Variants in ZRANB1 observed in about 807,000 individuals in gnomAD.
The protein encoded by ZRANB1 is ubiquitin thioesterase ZRANB1.
ZRANB1 carries 16 observed loss-of-function variants against 80.5 expected under a neutral mutation model. The observed-to-expected ratio is 0.20, with a 90% CI of 0.13 to 0.30. The LOEUF (loss-of-function observed/expected upper bound fraction) is 0.30, where lower values mean the gene tolerates loss of function less well. ZRANB1 is among the 10% of genes least tolerant of loss of function. The pLI is 1.00. For missense variants in ZRANB1, 576 were observed against 862.6 expected, an observed-to-expected ratio of 0.67 and a Z score of 4.16; for synonymous variants, 291 against 293.1, an observed-to-expected ratio of 0.99 and a Z score of 0.07.
rs1271143605 is a variant in ZRANB1 at position 124,968,093 on chromosome 10, C to T, written c.1002+1312C>T. 3.3e-5 allele frequency among the ~76,000 whole-genome samples: 5 copies of T among 152,118 alleles called. No individual in the cohort carries two copies. The South Asian group carries it at 1.0e-3, about 32-fold the overall frequency. ...TTGTATTTTTAGAAAGGTGGGGTTTCACCATGTTGGCTAGGCTGGTCTTGA... is the reference window on the plus strand; with the variant it reads ...TTGTATTTTTAGAAAGGTGGGGTTTTACCATGTTGGCTAGGCTGGTCTTGA... On this transcript the variant is annotated intron_variant, in intron 2 of 8. Coordinates refer to ENST00000359653, the MANE Select transcript of ZRANB1 (RefSeq NM_017580.3).
At chr10:124,932,841 G>T in the ZRANB1 span, among the ~76,000 whole-genome samples, 1 of 152,030 alleles carries the variant, frequency 6.6e-6, no homozygotes, top group Admixed American at 6.5e-5. Flanking sequence ...GGGATTATAG[G>T]CGCGAGCCAC....
At chr10:124,984,730 A>G (rs755110018) in intron 8 of ZRANB1, 44 bp from the exon 9 acceptor site, 1 of 1,582,516 alleles carries the variant, frequency 6.3e-7, no homozygotes. Flanking sequence ...CAAGTCTCTG[A>G]TCTGTTGTAT....
chr10:124,929,219 A>G, the ZRANB1 span, among the ~76,000 whole-genome samples: 14 of 152,230 alleles, frequency 9.2e-5, no homozygotes, highest in Middle Eastern at 0.01. Context: ...ATCTTGGACA[A>G]TGTGTTTATA....
At chr10:124,984,634 G>T in intron 8 of ZRANB1, 140 bp from the exon 9 acceptor site, 2 of 760,064 alleles carry the variant, frequency 2.6e-6, no homozygotes. Flanking sequence ...AAACTTCCAA[G>T]AGGTCAAAAC....
the ZRANB1 span, among the ~76,000 whole-genome samples, chr10:124,929,728 A>T: frequency 2.0e-5 from 3 of 151,562 alleles, no homozygotes; most frequent in African/African-American, 7.3e-5. Flanking sequence ...CGGGTGGATC[A>T]TGAGGTCAGG....
chr10:124,954,710 A>T (rs140304088), intron 1 of ZRANB1, among the ~76,000 whole-genome samples: 3,577 of 150,170 alleles, frequency 0.024, 143 homozygotes, highest in African/African-American at 0.083. Flanking sequence ...GGCCTCCCAG[A>T]GTGCTGGGAT....
chr10:124,978,561 A>C (rs1370385618), intron 5 of ZRANB1, among the ~76,000 whole-genome samples: 2 of 152,058 alleles, frequency 1.3e-5, no homozygotes, highest in Non-Finnish European at 2.9e-5. Flanking sequence ...CCAATTTCCC[A>C]CGGGGCAGGT....
At chr10:124,922,244 TTATATATATATGTAAAATATA>T in the ZRANB1 span, among the ~76,000 whole-genome samples, 81 of 119,000 alleles carry the variant, frequency 6.8e-4, 1 homozygote, top group African/African-American at 1.1e-3. Flanking sequence ...TGAGCCCAAA[TTATATATATATGTAAAATATA>T]TATATATATA....
At chr10:124,959,251 C>G (rs951027560) in intron 1 of ZRANB1, among the ~76,000 whole-genome samples, 1 of 152,028 alleles carries the variant, frequency 6.6e-6, no homozygotes, top group African/African-American at 2.4e-5. Flanking sequence ...AATAGTGTTT[C>G]TATTAGTGAG....
intron 1 of ZRANB1, among the ~76,000 whole-genome samples, chr10:124,953,203 G>C (rs1029412803): frequency 4.6e-5 from 7 of 151,972 alleles, no homozygotes; most frequent in Non-Finnish European, 7.4e-5. Context: ...TGGGATTACA[G>C]GCGTGAGCCA....
intron 1 of ZRANB1, among the ~76,000 whole-genome samples, chr10:124,944,498 C>T (rs74589452): frequency 4.8e-5 from 5 of 105,130 alleles, no homozygotes; most frequent in South Asian, 4.4e-4. Flanking sequence ...CCCCCCCCCC[C>T]GCCCCAAGAT....
rs777480387 is a variant in ZRANB1 at position 124,973,761 on chromosome 10, A to G, written c.1228+45A>G. 4 of 1,567,742 alleles carry G rather than the reference A, an allele frequency of 2.6e-6. No homozygotes were observed. In the African/African-American group the frequency reaches 4.1e-5, roughly 16 times the overall value. On this transcript the variant is annotated intron_variant, in intron 4 of 8. Transcript: ENST00000359653. ...GTATAATTTACCTTTCATCTGATCA[A>G]GTAAGTTTTGTTTAGTAAGGCATGG...
intron 1 of ZRANB1, among the ~76,000 whole-genome samples, chr10:124,960,114 TGAG>T (rs972602327): frequency 6.6e-6 from 1 of 152,126 alleles, no homozygotes; most frequent in African/African-American, 2.4e-5. Context: ...GGTTTTGTGG[TGAG>T]GATGCCTGAT....
At chr10:124,978,119 C>T (rs1195290749) in intron 5 of ZRANB1, among the ~76,000 whole-genome samples, 1 of 152,104 alleles carries the variant, frequency 6.6e-6, no homozygotes, top group Non-Finnish European at 1.5e-5. Flanking sequence ...GCCATGGATT[C>T]GGGAGATCAG....
chr10:124,981,078 C>T (rs1951928476), intron 5 of ZRANB1, among the ~76,000 whole-genome samples: 1 of 152,120 alleles, frequency 6.6e-6, no homozygotes, highest in Non-Finnish European at 1.5e-5. Context: ...AGACAGTGAA[C>T]CATAATTTTG....
At chr10:124,922,200 C>G in the ZRANB1 span, among the ~76,000 whole-genome samples, 22 of 147,974 alleles carry the variant, frequency 1.5e-4, no homozygotes, top group Non-Finnish European at 2.4e-4. Flanking sequence ...TTGCCTTGGC[C>G]TCCCAAAGTG....
intron 5 of ZRANB1, among the ~76,000 whole-genome samples, chr10:124,981,083 A>T (rs1241091367): frequency 2.0e-5 from 3 of 152,226 alleles, no homozygotes. Flanking sequence ...GTGAACCATA[A>T]TTTTGAGCAT....
At chr10:124,971,707 A>G (rs1010373751) in intron 2 of ZRANB1, among the ~76,000 whole-genome samples, 1 of 152,148 alleles carries the variant, frequency 6.6e-6, no homozygotes, top group Non-Finnish European at 1.5e-5. Context: ...ATACATTTTT[A>G]TGTGCATCTT....
At chr10:124,975,752 A>G (rs1471848684) in intron 5 of ZRANB1, among the ~76,000 whole-genome samples, 3 of 152,172 alleles carry the variant, frequency 2.0e-5, no homozygotes, top group African/African-American at 7.2e-5. Context: ...CTGCAATCCT[A>G]TTGCTTTGGG....
Sources: gnomAD v4.1 joint callset for allele counts (sites outside exome capture counted in the v4.1 genomes callset) on GRCh38, gnomAD v4.1.1 for gene constraint, MANE v1.5 for transcripts, NCBI Gene and HGNC (gene_info 2026-07-23, HGNC 2026-07-21) for gene names.